The following DAB1 variants were observed in gnomAD, a reference collection of about 807,000 sequenced individuals.
DAB1 encodes disabled homolog 1.
Under a neutral mutation model 64.6 loss-of-function variants are expected in DAB1, and 15 were observed. The ratio of observed to expected loss-of-function variants is 0.23; its 90% CI spans 0.16 to 0.36. The LOEUF is 0.36. Among genes scored for constraint, DAB1 ranks in the 10% least tolerant of loss-of-function variants. The probability of loss-of-function intolerance (pLI) is 1.00; values close to 1 mark genes in which losing one functional copy is unlikely to be tolerated. For synonymous variants in DAB1, 235 were observed against 251.9 expected, an observed-to-expected ratio of 0.93 and a Z score of 0.64; for missense variants, 596 against 706.7, an observed-to-expected ratio of 0.84 and a Z score of 1.78.
intron 1 of DAB1, among the ~76,000 whole-genome samples, chr1:58,545,607 G>A (rs1297555000): frequency 1.3e-5 from 2 of 152,160 alleles, no homozygotes; most frequent in Admixed American, 6.5e-5. Context: ...TTAATGATGT[G>A]AGAAAATTAA....
chr1:57,509,323 T>C (rs1474902556), intron 7 of DAB1, among the ~76,000 whole-genome samples: 2 of 152,126 alleles, frequency 1.3e-5, no homozygotes, highest in Non-Finnish European at 2.9e-5. Context: ...TCAGCAAACA[T>C]GCATTGTGGA....
intron 7 of DAB1, among the ~76,000 whole-genome samples, chr1:57,495,589 A>T (rs996469268): frequency 6.6e-6 from 1 of 152,222 alleles, no homozygotes; most frequent in Non-Finnish European, 1.5e-5. Flanking sequence ...GCCAGTCAGC[A>T]GTGATTGTAA....
intron 1 of DAB1, among the ~76,000 whole-genome samples, chr1:57,365,569 T>A (rs1417812395): frequency 1.3e-5 from 2 of 151,810 alleles, no homozygotes; most frequent in Non-Finnish European, 2.9e-5. Context: ...TTAAACCCCA[T>A]AACAGTTTGA....
At chr1:57,627,697 T>C (rs1440563982) in intron 7 of DAB1, among the ~76,000 whole-genome samples, 2 of 152,232 alleles carry the variant, frequency 1.3e-5, no homozygotes, top group East Asian at 3.9e-4. Context: ...GGTCTTATAA[T>C]GACTAAGGGG....
chr1:57,385,618 G>T (rs186686636), intron 1 of DAB1, among the ~76,000 whole-genome samples: 156 of 152,312 alleles, frequency 1.0e-3, no homozygotes, highest in Admixed American at 5.4e-3. Flanking sequence ...GAAGTGCAGA[G>T]TCCAGAGGCA....
At chr1:58,309,575 C>A (rs1448965572) in intron 4 of DAB1, among the ~76,000 whole-genome samples, 1 of 152,138 alleles carries the variant, frequency 6.6e-6, no homozygotes, top group Non-Finnish European at 1.5e-5. Flanking sequence ...AAAACTATGG[C>A]ATATATTCAA....
At chr1:57,360,426 C>G (rs895585477) in intron 1 of DAB1, among the ~76,000 whole-genome samples, 12 of 152,018 alleles carry the variant, frequency 7.9e-5, no homozygotes, top group African/African-American at 1.7e-4. Flanking sequence ...CAATACTACT[C>G]ATACAAGCCA....
rs918825455 is a variant in DAB1 at position 58,274,868 on chromosome 1, G to A, written n.309+68484C>T. On this transcript the variant is annotated intron_variant and non_coding_transcript_variant, in intron 4 of 20. Transcript: ENST00000485760. The stretch of plus-strand genomic sequence containing the variant: ...AATGCCTCGCCCTGCTTCGGCTCGC[G>A]CACGGTGCGCGCACCCACTGGCCTG... Among the ~76,000 whole-genome samples the A allele has an allele frequency of 8.9e-4, 135 of 152,100 alleles. 1 individual carries two copies. Among genetic ancestry groups the A allele is most frequent in the Non-Finnish European group, 1.5e-3 (102 of 67,988 alleles).
Position 57,476,812 on chromosome 1 carries a change from G to A in DAB1, n.625+172780C>T, listed in dbSNP as rs1643944533. On this transcript the variant is annotated intron_variant and non_coding_transcript_variant, in intron 7 of 20. Coordinates refer to the DAB1 transcript ENST00000485760. ...AAGAGAAAGAGCTGGGCTCAGCCTGGGGGGTGTTAAAGAGGAGCTGTTCAA... is the reference window on the plus strand; with the variant it reads ...AAGAGAAAGAGCTGGGCTCAGCCTGAGGGGTGTTAAAGAGGAGCTGTTCAA... Among the ~76,000 whole-genome samples the A allele has an allele frequency of 2.0e-5, 3 of 152,160 alleles. No homozygotes were observed. The South Asian group carries it at 6.2e-4, about 32-fold the overall frequency.
At chr1:57,154,956 GC>G (rs1660066451) in intron 2 of DAB1, among the ~76,000 whole-genome samples, 1 of 152,020 alleles carries the variant, frequency 6.6e-6, no homozygotes, top group Non-Finnish European at 1.5e-5. Context: ...GTGGTAGTTT[GC>G]AAATATTTTA....
At chr1:57,685,327 T>C (rs1421883955) in intron 6 of DAB1, among the ~76,000 whole-genome samples, 3 of 151,848 alleles carry the variant, frequency 2.0e-5, no homozygotes, top group Non-Finnish European at 4.4e-5. Flanking sequence ...TGGTATTACA[T>C]AATGATAAAG....
At chr1:57,276,125 C>A (rs2100610021) in intron 2 of DAB1, among the ~76,000 whole-genome samples, 1 of 152,336 alleles carries the variant, frequency 6.6e-6, no homozygotes, top group South Asian at 2.1e-4. Flanking sequence ...ACAGAAGGAT[C>A]AGACAGGATG....
intron 4 of DAB1, among the ~76,000 whole-genome samples, chr1:58,205,112 C>G (rs975040580): frequency 3.3e-5 from 5 of 152,130 alleles, no homozygotes; most frequent in African/African-American, 7.2e-5. Context: ...TACATAGGAG[C>G]CTGCCGGGCC....
chr1:58,088,942 G>A (rs1304305365), intron 5 of DAB1, among the ~76,000 whole-genome samples: 1 of 152,218 alleles, frequency 6.6e-6, no homozygotes, highest in African/African-American at 2.4e-5. Context: ...GGCAAGAAAG[G>A]AAAGGCAGCA....
intron 9 of DAB1, among the ~76,000 whole-genome samples, chr1:57,027,953 C>A (rs1325029342): frequency 3.3e-5 from 5 of 152,208 alleles, no homozygotes; most frequent in Non-Finnish European, 7.3e-5. Context: ...AATGCCAACT[C>A]TCAGCCTGCA....
At chr1:57,535,452 T>TA (rs1644714805) in intron 7 of DAB1, among the ~76,000 whole-genome samples, 1 of 149,650 alleles carries the variant, frequency 6.7e-6, no homozygotes, top group African/African-American at 2.4e-5. Context: ...ATTCTACTGT[T>TA]ACATTTTGTT....
chr1:57,953,827 G>A (rs903968081), intron 5 of DAB1, among the ~76,000 whole-genome samples: 8 of 152,190 alleles, frequency 5.3e-5, no homozygotes, highest in African/African-American at 1.2e-4. Flanking sequence ...GGCCACATCC[G>A]CTGTCTGCTG....
At chr1:57,959,219 C>T (rs1193241151) in intron 5 of DAB1, among the ~76,000 whole-genome samples, 1 of 152,156 alleles carries the variant, frequency 6.6e-6, no homozygotes, top group African/African-American at 2.4e-5. Context: ...AAATATGGGA[C>T]AGGTGAGGTG....
At chr1:57,413,391 A>C (rs1570477274) in intron 1 of DAB1, among the ~76,000 whole-genome samples, 1 of 152,332 alleles carries the variant, frequency 6.6e-6, no homozygotes, top group Middle Eastern at 3.4e-3. Flanking sequence ...AGCTGCCATA[A>C]ATAGTGATTC....
Sources: allele counts gnomAD v4.1 joint callset (sites outside exome capture counted in the v4.1 genomes callset), GRCh38; gene constraint gnomAD v4.1.1; transcripts MANE v1.5; gene names NCBI Gene and HGNC (gene_info 2026-07-23, HGNC 2026-07-21).